Variants in PRKG1 observed in about 807,000 individuals in gnomAD.
The protein encoded by PRKG1 is protein kinase cGMP-dependent 1, also known as cGMP-dependent protein kinase 1.
A neutral mutation model predicts 88.1 loss-of-function variants in PRKG1; 35 were observed. The observed-to-expected ratio is 0.40, with a 90% CI of 0.30 to 0.53. The LOEUF (loss-of-function observed/expected upper bound fraction) is 0.53. Ranked by LOEUF, PRKG1 falls within the 20% of genes least tolerant of loss-of-function variation. PRKG1 has a pLI of 0.59. For synonymous variants in PRKG1, 303 were observed against 292.5 expected (o/e 1.04, Z -0.37); for missense variants, 540 against 839.8 (o/e 0.64, Z 4.41).
chr10:52,272,990 C>T (rs1401860485), intron 12 of PRKG1, among the ~76,000 whole-genome samples: 2 of 151,910 alleles, frequency 1.3e-5, no homozygotes, highest in Non-Finnish European at 2.9e-5. Flanking sequence ...TCTCTTTATC[C>T]CTTGGCTAGT....
chr10:51,230,493 T>A (rs892085154), intron 2 of PRKG1, among the ~76,000 whole-genome samples: 2 of 152,210 alleles, frequency 1.3e-5, no homozygotes, highest in East Asian at 3.8e-4. Context: ...TACCCTCTTA[T>A]GTGGTTGTAA....
intron 3 of PRKG1, among the ~76,000 whole-genome samples, chr10:51,732,001 C>T (rs893649502): frequency 4.1e-5 from 6 of 145,684 alleles, no homozygotes; most frequent in African/African-American, 1.5e-4. Context: ...CCCTCTCCCC[C>T]TCCGCCCCCG....
intron 2 of PRKG1, among the ~76,000 whole-genome samples, chr10:51,281,724 G>T (rs941039568): frequency 1.3e-5 from 2 of 152,166 alleles, no homozygotes; most frequent in African/African-American, 4.8e-5. Context: ...ATCATTTAGG[G>T]CCTCCATGGT....
At chr10:52,060,206 G>A (rs1846205848) in intron 6 of PRKG1, among the ~76,000 whole-genome samples, 1 of 151,810 alleles carries the variant, frequency 6.6e-6, no homozygotes, top group African/African-American at 2.4e-5. Context: ...TATGCATAGG[G>A]ACATAAATAA....
At chr10:51,443,674 A>T (rs1839185685) in intron 2 of PRKG1, among the ~76,000 whole-genome samples, 1 of 152,062 alleles carries the variant, frequency 6.6e-6, no homozygotes, top group South Asian at 2.1e-4. Context: ...GTTTTGTCAG[A>T]TATTACATAG....
intron 2 of PRKG1, among the ~76,000 whole-genome samples, chr10:51,453,991 T>G (rs144599840): frequency 2.8e-4 from 43 of 152,066 alleles, no homozygotes; most frequent in African/African-American, 9.4e-4. Flanking sequence ...TCAAACCATT[T>G]TACAACAGCT....
rs185673308 is a variant in PRKG1 at position 51,154,882 on chromosome 10, A to G, written c.478+1552A>G. ...AAGGCTATATGTGGATAGTGAGCAG[A>G]AAGGATGGAAAAGTGGCAAAAATAT... On this transcript the variant is annotated intron_variant, in intron 2 of 17. Transcript: ENST00000373980. Among the ~76,000 whole-genome samples, 153 of 152,144 alleles carry G rather than the reference A, an allele frequency of 1.0e-3. 1 individual carries two copies. Among genetic ancestry groups the G allele is most frequent in the Admixed American group, 2.6e-3 (39 of 15,244 alleles).
intron 3 of PRKG1, among the ~76,000 whole-genome samples, chr10:51,620,983 A>C (rs10998521): frequency 3.4e-5 from 4 of 116,680 alleles, no homozygotes; most frequent in Non-Finnish European, 7.4e-5. Context: ...CCGTATATGT[A>C]TGTGTGTGTG....
intron 12 of PRKG1, among the ~76,000 whole-genome samples, chr10:52,279,570 C>A (rs909931728): frequency 6.6e-6 from 1 of 152,044 alleles, no homozygotes; most frequent in Non-Finnish European, 1.5e-5. Context: ...AAAGTGGCTG[C>A]TTTAGCCTTG....
Position 51,034,669 on chromosome 10 carries a change from TATATATATATATATATA to T in PRKG1, c.266+43026_266+43042del, listed in dbSNP as rs1307028027. The stretch of plus-strand genomic sequence containing the variant: ...GCAAAATTATATATAATATGTTATT[TATATATATATATATATA>T]TATATATATATATATATATATGCCT... On this transcript the variant is annotated intron_variant, in intron 1 of 17. Coordinates refer to the PRKG1 transcript ENST00000401604. 4.7e-3 allele frequency among the ~76,000 whole-genome samples: 136 copies of T among 29,228 alleles called. 3 individuals are homozygous for T. The highest frequency in any genetic ancestry group is 8.0e-3 in the African/African-American group (110 of 13,686). The allele number at this position is 29,228 out of a possible 152,430, so 19.2% of individuals were successfully genotyped here.
At chr10:51,993,220 T>C (rs565091716) in intron 5 of PRKG1, among the ~76,000 whole-genome samples, 2 of 152,302 alleles carry the variant, frequency 1.3e-5, no homozygotes, top group Admixed American at 1.3e-4. Context: ...TTCTCATTAT[T>C]TCATTTTTAA....
At chr10:51,664,459 C>G (rs1474194245) in intron 3 of PRKG1, among the ~76,000 whole-genome samples, 1 of 152,066 alleles carries the variant, frequency 6.6e-6, no homozygotes, top group Non-Finnish European at 1.5e-5. Context: ...CACTTACTAC[C>G]CACTTGAAAT....
intron 3 of PRKG1, among the ~76,000 whole-genome samples, chr10:51,795,535 C>T (rs917225834): frequency 7.2e-5 from 11 of 152,070 alleles, no homozygotes; most frequent in Non-Finnish European, 1.6e-4. Context: ...CAGAACATTC[C>T]GGCAGTTAGA....
chr10:51,954,252 T>A (rs1589452473), intron 5 of PRKG1, among the ~76,000 whole-genome samples: 1 of 152,168 alleles, frequency 6.6e-6, no homozygotes, highest in East Asian at 1.9e-4. Context: ...TTCTGGATTG[T>A]TGGTACATAA....
At chr10:51,764,577 T>C (rs1193400347) in intron 3 of PRKG1, among the ~76,000 whole-genome samples, 1 of 152,110 alleles carries the variant, frequency 6.6e-6, no homozygotes, top group Non-Finnish European at 1.5e-5. Flanking sequence ...GTTAGGTAGT[T>C]CCCTGGATCT....
At chr10:51,719,911 G>A (rs1357167732) in intron 3 of PRKG1, among the ~76,000 whole-genome samples, 2 of 152,182 alleles carry the variant, frequency 1.3e-5, no homozygotes, top group Non-Finnish European at 2.9e-5. Context: ...AGCCCAGTAG[G>A]AGCTAGGTCT....
chr10:51,840,723 C>G (rs993610587), intron 4 of PRKG1, among the ~76,000 whole-genome samples: 5 of 151,986 alleles, frequency 3.3e-5, no homozygotes, highest in Admixed American at 2.0e-4. Flanking sequence ...ATTTTTTATT[C>G]TTAGCAGAGA....
At chr10:51,180,032 T>C (rs141125597) in intron 2 of PRKG1, among the ~76,000 whole-genome samples, 3 of 152,358 alleles carry the variant, frequency 2.0e-5, no homozygotes, top group African/African-American at 7.2e-5. Flanking sequence ...GCTGTCCACA[T>C]ATCTGTTCTT....
intron 2 of PRKG1, among the ~76,000 whole-genome samples, chr10:51,378,801 TGGG>T (rs1357677842): frequency 1.3e-5 from 2 of 152,084 alleles, no homozygotes; most frequent in Admixed American, 1.3e-4. Flanking sequence ...ATGTCACTCA[TGGG>T]GGGATTATAT....
Sources: allele counts gnomAD v4.1 joint callset (sites outside exome capture counted in the v4.1 genomes callset), GRCh38; gene constraint gnomAD v4.1.1; transcripts MANE v1.5; gene names NCBI Gene and HGNC (gene_info 2026-07-23, HGNC 2026-07-21).